The following PDE1C variants were observed in gnomAD, a reference collection of about 807,000 sequenced individuals.
PDE1C encodes dual specificity calcium/calmodulin-dependent 3',5'-cyclic nucleotide phosphodiesterase 1C.
A neutral mutation model predicts 93.1 loss-of-function variants in PDE1C; 62 were observed. That is an observed-to-expected ratio of 0.67 (90% CI 0.54 to 0.82). The LOEUF (loss-of-function observed/expected upper bound fraction) is 0.82, where lower values mean the gene tolerates loss of function less well. Among genes scored for constraint, PDE1C ranks in the 40% least tolerant of loss-of-function variants. PDE1C has a pLI of 0.00. For synonymous variants in PDE1C, 325 were observed against 310.1 expected, an observed-to-expected ratio of 1.05 and a Z score of -0.50; for missense variants, 742 against 884.6, an observed-to-expected ratio of 0.84 and a Z score of 2.04.
chr7:31,685,683 C>T, the PDE1C span, among the ~76,000 whole-genome samples: 38 of 152,076 alleles, frequency 2.5e-4, no homozygotes, highest in Admixed American at 8.5e-4. Context: ...CAAACCTGCA[C>T]GTCCTGCACA....
chr7:31,740,951 C>T, the PDE1C span, among the ~76,000 whole-genome samples: 1 of 151,804 alleles, frequency 6.6e-6, no homozygotes, highest in East Asian at 1.9e-4. Context: ...TGCCTGTAGT[C>T]CCAGCTACTC....
intron 4 of PDE1C, 139 bp from the exon 5 acceptor site, chr7:31,878,175 T>G (rs1406607832): frequency 1.2e-5 from 7 of 574,118 alleles, no homozygotes; most frequent in Non-Finnish European, 2.1e-5. Flanking sequence ...TTTTTTGACA[T>G]TTTTAATATT....
chr7:31,643,595 C>T, the PDE1C span: 1 of 1,614,022 alleles, frequency 6.2e-7, no homozygotes, highest in East Asian at 2.2e-5. Flanking sequence ...GTGTGTGATC[C>T]TGTTACCGCA....
chr7:32,164,778 G>C (rs895134311), intron 3 of PDE1C, among the ~76,000 whole-genome samples: 1 of 152,138 alleles, frequency 6.6e-6, no homozygotes, highest in African/African-American at 2.4e-5. Context: ...CCAGAGGCTG[G>C]GGAGACAAAC....
intron 15 of PDE1C, among the ~76,000 whole-genome samples, chr7:31,813,505 A>G (rs537923730): frequency 7.9e-5 from 12 of 152,180 alleles, no homozygotes; most frequent in Admixed American, 2.6e-4. Context: ...TGTCTTGATC[A>G]TTGACTTTCT....
chr7:32,308,305 G>A (rs1370303564), intron 1 of PDE1C, among the ~76,000 whole-genome samples: 2 of 152,270 alleles, frequency 1.3e-5, no homozygotes, highest in Non-Finnish European at 2.9e-5. Context: ...ACCTCTGGGG[G>A]CAGGGCACAG....
At chr7:32,232,177 G>C (rs1807744880) in intron 1 of PDE1C, among the ~76,000 whole-genome samples, 1 of 152,130 alleles carries the variant, frequency 6.6e-6, no homozygotes, top group African/African-American at 2.4e-5. Context: ...CACCAAACTA[G>C]TGGCAAATTT....
chr7:32,102,754 T>C (rs1014879555), intron 3 of PDE1C, among the ~76,000 whole-genome samples: 1 of 152,220 alleles, frequency 6.6e-6, no homozygotes, highest in Non-Finnish European at 1.5e-5. Flanking sequence ...TGTTGTCTCC[T>C]GGAGACTAAT....
At chr7:32,075,152 C>T (rs975061507), upstream of PDE1C, among the ~76,000 whole-genome samples, 2 of 152,208 alleles carry the variant, frequency 1.3e-5, no homozygotes, top group African/African-American at 4.8e-5. Context: ...TGCAAACAAG[C>T]TCCTCCGCTT....
intron 3 of PDE1C, among the ~76,000 whole-genome samples, chr7:32,104,342 T>C (rs1798187536): frequency 6.6e-6 from 1 of 152,168 alleles, no homozygotes; most frequent in Admixed American, 6.5e-5. Flanking sequence ...CTCTCAATTA[T>C]AATACAAAAA....
chr7:32,026,300 T>C (rs1443589374), intron 2 of PDE1C, among the ~76,000 whole-genome samples: 3 of 152,146 alleles, frequency 2.0e-5, no homozygotes, highest in Non-Finnish European at 4.4e-5. Context: ...CTTATAGTTT[T>C]AGATGAAATG....
chr7:32,097,807 C>T lies in PDE1C; in HGVS notation c.308+71978G>A, dbSNP rs142724868. On this transcript the variant is annotated intron_variant, in intron 3 of 18. Coordinates refer to the PDE1C transcript ENST00000396193. ...GCGTAGTTGCTAGAAGCACTAAAAC[C>T]TCAATTAATGAGATTAACGAAAGTA... 8.1e-3 allele frequency among the ~76,000 whole-genome samples: 1,227 copies of T among 152,250 alleles called. 15 individuals are homozygous for T. The highest frequency in any genetic ancestry group is 0.028 in the African/African-American group (1,158 of 41,526).
the PDE1C span, chr7:31,644,041 C>T: frequency 4.6e-6 from 6 of 1,297,104 alleles, no homozygotes; most frequent in African/African-American, 1.5e-5. Context: ...TTGCTGAATG[C>T]AAGATCTCAG....
At chr7:31,945,158 C>T (rs59778559) in intron 2 of PDE1C, among the ~76,000 whole-genome samples, 2 of 152,124 alleles carry the variant, frequency 1.3e-5, no homozygotes, top group African/African-American at 4.8e-5. Context: ...ACAGAGTATT[C>T]CCAATAAGCT....
the PDE1C span, among the ~76,000 whole-genome samples, chr7:31,722,066 A>T: frequency 1.3e-5 from 2 of 152,156 alleles, no homozygotes; most frequent in African/African-American, 4.8e-5. Flanking sequence ...TCTTCTGATA[A>T]GGGCTTTCTC....
At chr7:32,267,588 T>A (rs7810550) in intron 1 of PDE1C, among the ~76,000 whole-genome samples, 204 of 20,820 alleles carry the variant, frequency 9.8e-3, no homozygotes, top group Non-Finnish European at 0.03. Flanking sequence ...ACACACACAC[T>A]CTCTCTCTCT....
At chr7:32,081,678 A>T (rs7802919) in intron 3 of PDE1C, among the ~76,000 whole-genome samples, 95,193 of 152,088 alleles carry the variant, frequency 0.63, 30,167 homozygotes, top group African/African-American at 0.71. Context: ...TCAAACAATG[A>T]GGTGGAATTA....
At chr7:32,063,675 C>T (rs1016394769) in intron 1 of PDE1C, among the ~76,000 whole-genome samples, 4 of 151,994 alleles carry the variant, frequency 2.6e-5, no homozygotes, top group East Asian at 1.9e-4. Context: ...CACATTTTTC[C>T]CCTTTAATAT....
At chr7:32,315,676 T>C (rs34571063) in intron 1 of PDE1C, among the ~76,000 whole-genome samples, 4,398 of 152,358 alleles carry the variant, frequency 0.029, 96 homozygotes, top group Middle Eastern at 0.075. Flanking sequence ...CATAGATGTC[T>C]AAATTACTTC....
Sources: gnomAD v4.1 joint callset for allele counts (sites outside exome capture counted in the v4.1 genomes callset) on GRCh38, gnomAD v4.1.1 for gene constraint, MANE v1.5 for transcripts, NCBI Gene and HGNC (gene_info 2026-07-23, HGNC 2026-07-21) for gene names.